The following RGS19 variants were observed in gnomAD, a reference collection of about 807,000 sequenced individuals.
RGS19 encodes G alpha interacting protein.
A neutral mutation model predicts 22.0 loss-of-function variants in RGS19; 9 were observed. The observed-to-expected ratio is 0.41, with a 90% CI of 0.25 to 0.71. The LOEUF is 0.71. RGS19 is among the 30% of genes least tolerant of loss of function. The pLI is 0.32. For missense variants in RGS19, 256 were observed against 307.1 expected (o/e 0.83, Z 1.24); for synonymous variants, 130 against 127.3 (o/e 1.02, Z -0.14).
intron 3 of RGS19, among the ~76,000 whole-genome samples, chr20:64,076,006 C>T (rs993500182): frequency 2.2e-4 from 34 of 152,168 alleles, no homozygotes; most frequent in Admixed American, 5.2e-4. Flanking sequence ...CTCAGCCTCC[C>T]GAGTAGCTGG....
At chr20:64,077,300 G>T (rs1435721102) in intron 1 of RGS19, among the ~76,000 whole-genome samples, 1 of 152,158 alleles carries the variant, frequency 6.6e-6, no homozygotes, top group African/African-American at 2.4e-5. Context: ...CTCCCAAAGG[G>T]GCCCCGAGAG....
intron 3 of RGS19, among the ~76,000 whole-genome samples, chr20:64,074,754 A>G (rs1038997081): frequency 6.6e-6 from 1 of 152,220 alleles, no homozygotes; most frequent in Non-Finnish European, 1.5e-5. Context: ...AATTCCCCAC[A>G]GAATCTGCAG....
At chr20:64,076,487 G>T (rs750115022) in intron 3 of RGS19, 38 bp downstream of exon 3, 6 of 1,610,246 alleles carry the variant, frequency 3.7e-6, no homozygotes, top group South Asian at 2.2e-5. Flanking sequence ...CCATGCCCTC[G>T]ACCCCCTCGC....
chr20:64,077,953 C>T (rs986912095), intron 1 of RGS19, among the ~76,000 whole-genome samples: 1 of 152,182 alleles, frequency 6.6e-6, no homozygotes. Context: ...GAGGGGCCTC[C>T]GTGCACATCC....
chr20:64,076,626 C>T lies in RGS19; in HGVS notation c.51G>A (p.Ala17=), dbSNP rs780962167. ...AEKQITGPEE[A]DRPPSMSSHD... Reference sequence around the variant, plus strand: ...GACTGGACATTGAAGGGGGCCGGTCCGCCTCCTCTGGCCCTGTGATCTGGG... The same window carrying T: ...GACTGGACATTGAAGGGGGCCGGTCTGCCTCCTCTGGCCCTGTGATCTGGG... Residue 17 remains alanine (A), a synonymous_variant, in exon 3 of 6, where the codon GCG becomes GCA. Coordinates refer to ENST00000395042, the MANE Select transcript of RGS19 (RefSeq NM_005873.3). 9.3e-6 allele frequency: 15 copies of T among 1,606,934 alleles called. No homozygotes were observed. The South Asian group carries it at 1.1e-4, about 12-fold the overall frequency.
At position 64,075,056 on chromosome 20, in the gene RGS19, T is replaced by C. The variant is rs748700128; in HGVS notation, c.153-515A>G. ...AGGAGCTGGGAGATCCCTGAACACC[T>C]GGGAGGCCAGAAGGGTCATGTGCCT... On this transcript the variant is annotated intron_variant, in intron 3 of 5. Coordinates refer to ENST00000395042, the MANE Select transcript of RGS19 (RefSeq NM_005873.3). This position sits in a 1 kb window ranked among gnomAD's most constrained non-coding sequence, Gnocchi z 4.6. Among the ~76,000 whole-genome samples, 8 of 152,022 alleles carry C rather than the reference T, an allele frequency of 5.3e-5. No individual in the cohort carries two copies. Among genetic ancestry groups the C allele is most frequent in the Non-Finnish European group, 7.4e-5 (5 of 67,994 alleles).
At chr20:64,078,431 GCTGT>G in intron 1 of RGS19, among the ~76,000 whole-genome samples, 1 of 152,286 alleles carries the variant, frequency 6.6e-6, no homozygotes, top group Non-Finnish European at 1.5e-5. Flanking sequence ...CCCAGACGGG[GCTGT>G]CTGTGGCTTC....
In RGS19 at chr20:64,074,267, G is replaced by A. The variant is rs370731911; in HGVS notation, c.339C>T (p.Ser113=). ...VFRAFLRTEY[S]EENMLFWLAC... Reference sequence around the variant, plus strand: ...CCAACCAGAAGAGCATGTTCTCCTCGCTGTACTCTGTCCGCAGGAACGCCC... The same window carrying A: ...CCAACCAGAAGAGCATGTTCTCCTCACTGTACTCTGTCCGCAGGAACGCCC... The change falls in exon 5 of 6, where the codon AGC becomes AGT. Residue 113 remains serine (S), a synonymous_variant. Coordinates refer to ENST00000395042, the MANE Select transcript of RGS19 (RefSeq NM_005873.3). The A allele has an allele frequency of 2.1e-5, 34 of 1,613,560 alleles. No homozygotes were observed. Among genetic ancestry groups the A allele is most frequent in the East Asian group, 2.0e-4 (9 of 44,884 alleles).
rs2059907583 is a variant in RGS19 at position 64,076,600 on chromosome 20, T to G, written c.77A>C (p.His26Pro). The G allele has an allele frequency of 6.2e-7, 1 of 1,611,062 alleles. No individual in the cohort carries two copies. Residue 26 changes from histidine (H) to proline (P), a missense_variant, in exon 3 of 6, where the codon CAT becomes CCT. Coordinates refer to ENST00000395042, the MANE Select transcript of RGS19 (RefSeq NM_005873.3). ...EADRPPSMSS[H>P]DTASPAAPSR... ...GGGGGCCGCTGGAGAGGCTGTATCA[T>G]GACTGGACATTGAAGGGGGCCGGTC... is the stretch of plus-strand genomic sequence containing the variant.
chr20:64,078,177 C>T (rs145562336), intron 1 of RGS19, among the ~76,000 whole-genome samples: 1 of 27,588 alleles, frequency 3.6e-5, no homozygotes. Flanking sequence ...TCTTAGGGCC[C>T]CCAATACCCC....
chr20:64,074,632 A>G lies in RGS19; in HGVS notation c.153-91T>C, dbSNP rs1382257078. The G allele has an allele frequency of 2.6e-5, 32 of 1,228,578 alleles. 1 individual carries two copies. The East Asian group carries it at 7.5e-4, about 29-fold the overall frequency. 76.1% of individuals were successfully genotyped at this position (1,228,578 alleles called of 1,614,324 possible). On this transcript the variant is annotated intron_variant, in intron 3 of 5. Transcript: ENST00000395042. ...GCACATGGGCAGGCACCTGACACAC[A>G]TGGGCACCCACTGCAGGAGGGCAGC...
rs750040584 is a variant in RGS19 at position 64,076,613 on chromosome 20, A to G, written c.64T>C (p.Ser22Pro). ...GAGGCTGTATCATGACTGGACATTG[A>G]AGGGGGCCGGTCCGCCTCCTCTGGC... ...TGPEEADRPP[S>P]MSSHDTASPA... is the part of the protein sequence containing the mutation. Residue 22 changes from serine (S) to proline (P), a missense_variant, in exon 3 of 6, where the codon TCA becomes CCA. Transcript: ENST00000395042. The G allele has an allele frequency of 6.2e-7, 1 of 1,609,760 alleles. No individual in the cohort carries two copies. Among genetic ancestry groups the G allele is most frequent in the Non-Finnish European group, 8.5e-7 (1 of 1,178,340 alleles).
At position 64,073,421 on chromosome 20, in the gene RGS19, G is replaced by A. The variant is rs2059871036; in HGVS notation, c.*432C>T. The A allele has an allele frequency of 6.2e-6, 1 of 160,092 alleles. No homozygotes were observed. Among genetic ancestry groups the A allele is most frequent in the Non-Finnish European group, 1.4e-5 (1 of 73,470 alleles). 9.9% of individuals were successfully genotyped at this position (160,092 alleles called of 1,614,324 possible). ...GGGGTACAGACAGCTCAAGTAGGAG[G>A]TCTCCTTATGTCACAAAACTACACG... On this transcript the variant is annotated 3_prime_UTR_variant, in exon 6 of 6. Transcript: ENST00000395042.
rs1049862846 is a variant in RGS19, at chr20:64,077,101, C to G, written c.-68-147G>C. 1.8e-5 allele frequency: 8 copies of G among 455,872 alleles called. No individual in the cohort carries two copies. The Admixed American group carries it at 2.8e-4, about 16-fold the overall frequency. 28.2% of individuals were successfully genotyped at this position (455,872 alleles called of 1,614,324 possible). ...CTGCCTAGGGCTTCTACCCCGACCC[C>G]AAGCTTACAGCAGGGCTGGGAGGGG... On this transcript the variant is annotated intron_variant, in intron 1 of 5. Coordinates refer to ENST00000395042, the MANE Select transcript of RGS19 (RefSeq NM_005873.3).
chr20:64,077,757 C>T (rs1254139039), intron 1 of RGS19, among the ~76,000 whole-genome samples: 3 of 152,150 alleles, frequency 2.0e-5, no homozygotes, highest in Non-Finnish European at 2.9e-5. Context: ...GGTGCATGTC[C>T]CTCCCAGCAT....
In RGS19 at chr20:64,076,664, T is replaced by A; in HGVS notation, c.31-18A>T. The A allele has an allele frequency of 6.3e-7, 1 of 1,588,852 alleles. No individual in the cohort carries two copies. ...CCTGTGATCTGGGGAAAAGTGGGGC[T>A]ACCTCAGCTTTCAGGTCAGAACCCA... On this transcript the variant is annotated intron_variant, in intron 2 of 5. Coordinates refer to ENST00000395042, the MANE Select transcript of RGS19 (RefSeq NM_005873.3).
Position 64,079,370 on chromosome 20 carries a change from G to GGGA in RGS19, c.-146_-145insTCC. On this transcript the variant is annotated 5_prime_UTR_variant, in exon 1 of 6. Coordinates refer to ENST00000395042, the MANE Select transcript of RGS19 (RefSeq NM_005873.3). The surrounding 1 kb of genome is among the most constrained non-coding windows in gnomAD (Gnocchi z 5.1). ...CCCACCCTGGCTGCCGAAGGGGCGT[G>GGGA]CACTGCAGCAGCAGGGACTCAAGTC... 6.6e-6 allele frequency: 1 copy of GGGA among 152,244 alleles called. No homozygotes were observed. The highest frequency in any genetic ancestry group is 2.1e-4 in the South Asian group (1 of 4,828). 9.4% of individuals were successfully genotyped at this position (152,244 alleles called of 1,614,324 possible). A position where few individuals can be genotyped will look rare whatever the true frequency, so the allele number is the denominator to read the frequency against.
At chr20:64,076,459 T>C (rs1439544538) in intron 3 of RGS19, 66 bp downstream of exon 3, 4 of 1,598,212 alleles carry the variant, frequency 2.5e-6, no homozygotes, top group Non-Finnish European at 3.4e-6. Flanking sequence ...CTGGGTCCCC[T>C]CCTGGGTCTG....
chr20:64,079,702 G>C (rs1355949083), upstream of RGS19: 1 of 151,814 alleles, frequency 6.6e-6, no homozygotes, highest in Non-Finnish European at 1.5e-5. The surrounding 1 kb of genome is among the most constrained non-coding windows in gnomAD (Gnocchi z 5.1). Flanking sequence ...CCACGCGCGG[G>C]GGGCGGGCTC....
Sources: gnomAD v4.1 joint callset for allele counts (sites outside exome capture counted in the v4.1 genomes callset) on GRCh38, gnomAD v4.1.1 for gene constraint, Gnocchi (gnomAD v3.1) non-coding constraint, MANE v1.5 for transcripts, NCBI Gene and HGNC (gene_info 2026-07-23, HGNC 2026-07-21) for gene names.